The following CCDC12 variants were observed in gnomAD, a reference collection of about 807,000 sequenced individuals.
The protein encoded by CCDC12 is coiled-coil domain-containing protein 12.
CCDC12 carries 28 observed loss-of-function variants against 25.7 expected under a neutral mutation model. The observed-to-expected ratio is 1.09, with a 90% CI of 0.81 to 1.50. The LOEUF is 1.50. CCDC12 is among the 40% of genes most tolerant of loss of function. CCDC12 has a pLI of 0.00. For synonymous variants in CCDC12, 75 were observed against 87.7 expected, an observed-to-expected ratio of 0.86 and a Z score of 0.81; for missense variants, 198 against 210.0, an observed-to-expected ratio of 0.94 and a Z score of 0.35.
intron 1 of CCDC12, among the ~76,000 whole-genome samples, chr3:46,951,824 C>T (rs11716561): frequency 0.64 from 25,836 of 40,596 alleles, 7,136 homozygotes; most frequent in East Asian, 0.7. Flanking sequence ...TATATATATA[C>T]TTAATGAGGA....
rs200696705 is a variant in CCDC12 at position 46,955,250 on chromosome 3, CA to C, written c.97-14186del. Among the ~76,000 whole-genome samples the C allele has an allele frequency of 5.0e-4, 76 of 152,296 alleles. 2 individuals are homozygous for C. In the East Asian group the frequency reaches 0.014, roughly 27 times the overall value. Reference sequence around the variant, plus strand: ...GGAAAATCTCAGCCCAACTAACTCCCAAATCCATGTGCCTGCCTAGTTGCTT... The same window carrying C: ...GGAAAATCTCAGCCCAACTAACTCCCAATCCATGTGCCTGCCTAGTTGCTT... On this transcript the variant is annotated intron_variant, in intron 1 of 6. Transcript: ENST00000683445.
At position 46,971,289 on chromosome 3, in the gene CCDC12, C is replaced by T. The variant is rs115600312; in HGVS notation, c.96+5348G>A. Among the ~76,000 whole-genome samples the T allele has an allele frequency of 7.9e-3, 1,196 of 152,346 alleles. 17 individuals carry two copies. The highest frequency in any genetic ancestry group is 0.028 in the African/African-American group (1,147 of 41,570). On this transcript the variant is annotated intron_variant, in intron 1 of 6. Transcript: ENST00000683445. ...GCAGTACTGTCTTTCTGCGTGTCAA[C>T]GGGAACTGGCTGACCTACAAGATGC...
intron 1 of CCDC12, among the ~76,000 whole-genome samples, chr3:46,956,916 A>G (rs2034306882): frequency 6.6e-6 from 1 of 152,202 alleles, no homozygotes; most frequent in Middle Eastern, 3.2e-3. Context: ...GAAGGGGAGA[A>G]GCCAGGGCCA....
intron 1 of CCDC12, among the ~76,000 whole-genome samples, chr3:46,972,987 C>T (rs1223364278): frequency 3.3e-5 from 5 of 151,772 alleles, no homozygotes; most frequent in African/African-American, 9.7e-5. Flanking sequence ...ATATAAACCC[C>T]TGATTTTAGT....
At chr3:46,937,107 G>A (rs1184166049) in intron 2 of CCDC12, among the ~76,000 whole-genome samples, 1 of 152,198 alleles carries the variant, frequency 6.6e-6, no homozygotes, top group Admixed American at 6.5e-5. Flanking sequence ...GCAGATCTGT[G>A]TAACTCCCTT....
chr3:46,942,301 C>T (rs775313172), intron 1 of CCDC12, among the ~76,000 whole-genome samples: 5 of 152,232 alleles, frequency 3.3e-5, no homozygotes, highest in African/African-American at 2.4e-5. Flanking sequence ...ACAGAGCTGT[C>T]GTGGGTCTCC....
intron 2 of CCDC12, among the ~76,000 whole-genome samples, chr3:46,932,583 T>C (rs2033273603): frequency 6.6e-6 from 1 of 152,162 alleles, no homozygotes; most frequent in Admixed American, 6.5e-5. Flanking sequence ...AAGCCTCCTG[T>C]CCTTCTGGCC....
intron 2 of CCDC12, among the ~76,000 whole-genome samples, chr3:46,927,475 C>T (rs1020101870): frequency 3.3e-5 from 5 of 152,174 alleles, no homozygotes; most frequent in Admixed American, 2.0e-4. Context: ...GTACCCAGAA[C>T]TCACAGCAGC....
chr3:46,927,804 C>A (rs183070428), intron 2 of CCDC12, among the ~76,000 whole-genome samples: 3 of 152,292 alleles, frequency 2.0e-5, no homozygotes, highest in Admixed American at 6.5e-5. Context: ...GTTGTGTGAT[C>A]GCGTGAAAAT....
In CCDC12 at chr3:46,922,114, G is replaced by T. The variant is rs1454576805; in HGVS notation, c.444C>A (p.Asp148Glu). Reference sequence around the variant, plus strand: ...CAGCATCCACTGCAGAGGCTAGGCTGTCTTCCTGGCCTTTCAGCCTTTCAC... The same window carrying T: ...CAGCATCCACTGCAGAGGCTAGGCTTTCTTCCTGGCCTTTCAGCCTTTCAC... ...LIRERLKGQE[D>E]SLASAVDAAT... The change falls in exon 7 of 7, where the codon GAC becomes GAA. Residue 148 changes from aspartate (D) to glutamate (E), a missense_variant. Asp to Glu is a conservative substitution (Grantham distance 45). Coordinates refer to ENST00000683445, the MANE Select transcript of CCDC12 (RefSeq NM_001277074.2). The T allele has an allele frequency of 6.2e-7, 1 of 1,614,282 alleles. No individual in the cohort carries two copies.
chr3:46,978,665 A>C (rs997668517), upstream of CCDC12, among the ~76,000 whole-genome samples: 1 of 151,994 alleles, frequency 6.6e-6, no homozygotes, highest in African/African-American at 2.4e-5. Flanking sequence ...CATTTGGTCA[A>C]CTTGGGCCTC....
At position 46,944,177 on chromosome 3, in the gene CCDC12, C is replaced by A. The variant is rs940132712; in HGVS notation, c.97-3112G>T. Among the ~76,000 whole-genome samples, 19 of 152,270 alleles carry A rather than the reference C, an allele frequency of 1.2e-4. No homozygotes were observed. The South Asian group carries it at 1.9e-3, about 15-fold the overall frequency. On this transcript the variant is annotated intron_variant, in intron 1 of 6. Transcript: ENST00000683445. Reference sequence around the variant, plus strand: ...AGCCATGGGAAAACCTGGGAAATGGCAGTCAGGGAAAAGGAAAAGATTTGT... The same window carrying A: ...AGCCATGGGAAAACCTGGGAAATGGAAGTCAGGGAAAAGGAAAAGATTTGT...
At chr3:46,925,822 G>C (rs565921248) in intron 2 of CCDC12, among the ~76,000 whole-genome samples, 1 of 152,346 alleles carries the variant, frequency 6.6e-6, no homozygotes, top group Admixed American at 6.5e-5. Context: ...GCATTCACAG[G>C]GTGTCTCTCC....
chr3:46,952,781 C>T (rs940936850), intron 1 of CCDC12, among the ~76,000 whole-genome samples: 2 of 152,168 alleles, frequency 1.3e-5, no homozygotes, highest in African/African-American at 4.8e-5. Flanking sequence ...AATAATTAAT[C>T]ACTATGAAAA....
intron 1 of CCDC12, 130 bp from the exon 2 acceptor site, chr3:46,941,195 A>G: frequency 2.5e-6 from 2 of 801,722 alleles, no homozygotes; most frequent in Non-Finnish European, 4.4e-6. Flanking sequence ...GGTGTCCCAG[A>G]CTCCAACAGG....
intron 1 of CCDC12, among the ~76,000 whole-genome samples, chr3:46,951,798 A>AAAAAAAAAAAAAAAAAAAAAATAT: frequency 1.2e-4 from 1 of 8,476 alleles, no homozygotes; most frequent in Non-Finnish European, 2.8e-4. Context: ...AAAAAAAAAA[A>AAAAAAAAAAAAAAAAAAAAAATAT]ATATATATAT....
chr3:46,980,249 A>G (rs2035227218), upstream of CCDC12, among the ~76,000 whole-genome samples: 1 of 152,156 alleles, frequency 6.6e-6, no homozygotes, highest in African/African-American at 2.4e-5. Context: ...AAATGGGGAA[A>G]CTGAGACCTG....
At position 46,944,442 on chromosome 3, in the gene CCDC12, G is replaced by C. The variant is rs371076560; in HGVS notation, c.97-3377C>G. ...CCAAGTCCAAGCCTAGGCCCTGCTG[G>C]ACACTCAGTAGGAAAGCAGGCAAGG... is the stretch of plus-strand genomic sequence containing the variant. On this transcript the variant is annotated intron_variant, in intron 1 of 6. Coordinates refer to ENST00000683445, the MANE Select transcript of CCDC12 (RefSeq NM_001277074.2). 1.7e-4 allele frequency among the ~76,000 whole-genome samples: 26 copies of C among 152,100 alleles called. 1 individual carries two copies. The highest frequency in any genetic ancestry group is 1.2e-3 in the East Asian group (6 of 5,190).
chr3:46,948,930 GGTACT>G (rs60502974), intron 1 of CCDC12, among the ~76,000 whole-genome samples: 2 of 152,178 alleles, frequency 1.3e-5, no homozygotes, highest in African/African-American at 4.8e-5. Context: ...GCTCCCCTGT[GGTACT>G]CCATGCTGTA....
Sources: gnomAD v4.1 joint callset for allele counts (sites outside exome capture counted in the v4.1 genomes callset) on GRCh38, gnomAD v4.1.1 for gene constraint, MANE v1.5 for transcripts, NCBI Gene and HGNC (gene_info 2026-07-23, HGNC 2026-07-21) for gene names.